Variants in NLGN1 observed in about 807,000 individuals in gnomAD.
NLGN1 encodes neuroligin-1.
Under a neutral mutation model 65.5 loss-of-function variants are expected in NLGN1, and 12 were observed. The ratio of observed to expected loss-of-function variants is 0.18; its 90% CI spans 0.12 to 0.30. NLGN1 has a LOEUF of 0.30. NLGN1 is among the 10% of genes least tolerant of loss of function. The pLI, the probability that NLGN1 is intolerant of heterozygous loss-of-function variation, is 1.00. For synonymous variants in NLGN1, 350 were observed against 359.5 expected (o/e 0.97, Z 0.30); for missense variants, 750 against 1,007.1 (o/e 0.74, Z 3.46).
chr3:173,486,564 G>C lies in NLGN1; in HGVS notation c.-321+51486G>C, dbSNP rs545481545. On this transcript the variant is annotated intron_variant, in intron 2 of 6. Coordinates refer to ENST00000457714, the Ensembl canonical transcript of NLGN1. The stretch of plus-strand genomic sequence containing the variant: ...ATTTTTTATCATTCCACAAAGCATA[G>C]GGCTTTGTACCACCCTGATTTACTT... Among the ~76,000 whole-genome samples the C allele has an allele frequency of 2.6e-5, 4 of 152,248 alleles. No individual in the cohort carries two copies. The East Asian group carries it at 7.7e-4, about 29-fold the overall frequency.
intron 2 of NLGN1, among the ~76,000 whole-genome samples, chr3:173,560,214 G>A (rs550354031): frequency 3.9e-5 from 6 of 152,078 alleles, no homozygotes; most frequent in Non-Finnish European, 7.4e-5. Flanking sequence ...TACTACAAGC[G>A]TGAGCCACCG....
intron 2 of NLGN1, among the ~76,000 whole-genome samples, chr3:173,586,300 A>T (rs1456242510): frequency 5.3e-5 from 8 of 152,240 alleles, no homozygotes; most frequent in Non-Finnish European, 1.0e-4. Context: ...TTATGACTGT[A>T]TGCAGATACC....
chr3:173,756,150 A>G (rs1359469610), intron 3 of NLGN1, among the ~76,000 whole-genome samples: 1 of 42,956 alleles, frequency 2.3e-5, no homozygotes, highest in Non-Finnish European at 5.8e-5. Flanking sequence ...TCACATTTAC[A>G]CATTTTTTTT....
intron 4 of NLGN1, among the ~76,000 whole-genome samples, chr3:173,891,800 A>G (rs2152130298): frequency 6.6e-6 from 1 of 152,334 alleles, no homozygotes; most frequent in Non-Finnish European, 1.5e-5. Flanking sequence ...TAATGATACA[A>G]GAAACTCTCC....
intron 4 of NLGN1, among the ~76,000 whole-genome samples, chr3:173,972,438 A>G (rs530504732): frequency 6.6e-6 from 1 of 152,314 alleles, no homozygotes; most frequent in Admixed American, 6.5e-5. Context: ...AGAAATAAAT[A>G]ATGTACAAAT....
At position 173,581,480 on chromosome 3, in the gene NLGN1, A is replaced by G. The variant is rs151247118; in HGVS notation, c.-320-22799A>G. ...CAATCAGTTGATTGACTGTTTCACA[A>G]TTTCAGAGGCCCTGTTACTATTTGT... is the stretch of plus-strand genomic sequence containing the variant. On this transcript the variant is annotated intron_variant, in intron 2 of 6. Transcript: ENST00000457714. 5.5e-3 allele frequency among the ~76,000 whole-genome samples: 833 copies of G among 152,122 alleles called. 7 individuals are homozygous for G. Among genetic ancestry groups the G allele is most frequent in the African/African-American group, 0.019 (788 of 41,550 alleles).
intron 2 of NLGN1, among the ~76,000 whole-genome samples, chr3:173,455,304 A>C (rs1722320243): frequency 6.6e-6 from 1 of 152,122 alleles, no homozygotes; most frequent in African/African-American, 2.4e-5. Context: ...CAGTCTTTTA[A>C]ACCGTGAAAT....
intron 3 of NLGN1, among the ~76,000 whole-genome samples, chr3:173,759,635 G>A (rs549430012): frequency 2.4e-4 from 36 of 151,948 alleles, no homozygotes; most frequent in African/African-American, 8.0e-4. Flanking sequence ...GCCCTATTGC[G>A]TGATTACTTT....
At chr3:174,035,404 A>C (rs1392926279) in intron 4 of NLGN1, among the ~76,000 whole-genome samples, 1 of 152,204 alleles carries the variant, frequency 6.6e-6, no homozygotes, top group Admixed American at 6.5e-5. Context: ...CAAGAGACTC[A>C]GGAAAAGGCT....
At chr3:173,518,443 G>A (rs1437213355) in intron 2 of NLGN1, among the ~76,000 whole-genome samples, 3 of 150,414 alleles carry the variant, frequency 2.0e-5, no homozygotes, top group East Asian at 1.9e-4. Context: ...TTATATGTAG[G>A]TATGTGTATA....
chr3:173,699,244 G>T (rs1766731738), intron 3 of NLGN1, among the ~76,000 whole-genome samples: 1 of 152,054 alleles, frequency 6.6e-6, no homozygotes, highest in South Asian at 2.1e-4. Context: ...ATTTTAATAT[G>T]GTTTACCAAG....
intron 5 of NLGN1, among the ~76,000 whole-genome samples, chr3:174,276,951 C>T (rs1476602548): frequency 2.0e-5 from 3 of 151,742 alleles, no homozygotes; most frequent in African/African-American, 4.8e-5. Context: ...CAAAAATTGA[C>T]GTGAAAGCCA....
chr3:173,836,019 T>A (rs548913817), intron 4 of NLGN1, among the ~76,000 whole-genome samples: 7 of 152,302 alleles, frequency 4.6e-5, no homozygotes, highest in African/African-American at 1.7e-4. Flanking sequence ...CTCAGTGATG[T>A]TAGCAAGGAA....
chr3:173,880,584 A>G (rs1255826629), intron 4 of NLGN1, among the ~76,000 whole-genome samples: 2 of 151,022 alleles, frequency 1.3e-5, no homozygotes, highest in Non-Finnish European at 3.0e-5. Context: ...AAATATATAT[A>G]TATTAATTTA....
intron 2 of NLGN1, among the ~76,000 whole-genome samples, chr3:173,588,522 A>G (rs948641184): frequency 2.0e-5 from 3 of 152,210 alleles, no homozygotes; most frequent in Non-Finnish European, 4.4e-5. Context: ...TCGAAGCTTA[A>G]GTGAAGTCAG....
In NLGN1 at chr3:173,496,441, C is replaced by T. The variant is rs555539983; in HGVS notation, c.-321+61363C>T. On this transcript the variant is annotated intron_variant, in intron 2 of 6. Coordinates refer to ENST00000457714, the Ensembl canonical transcript of NLGN1. Reference sequence around the variant, plus strand: ...ATATTTATCAAGAAGGCAGATTATACTGCAGGTGATCAGAACTAAATTTTT... The same window carrying T: ...ATATTTATCAAGAAGGCAGATTATATTGCAGGTGATCAGAACTAAATTTTT... Among the ~76,000 whole-genome samples, 31 of 151,986 alleles carry T rather than the reference C, an allele frequency of 2.0e-4. 1 individual carries two copies. Among genetic ancestry groups the T allele is most frequent in the African/African-American group, 7.0e-4 (29 of 41,306 alleles).
At chr3:173,885,754 A>T (rs937011744) in intron 4 of NLGN1, among the ~76,000 whole-genome samples, 15 of 152,140 alleles carry the variant, frequency 9.9e-5, no homozygotes, top group African/African-American at 3.4e-4. Flanking sequence ...CACAAAGAAG[A>T]AATAAACTTC....
chr3:173,573,234 A>G lies in NLGN1; in HGVS notation c.-320-31045A>G, dbSNP rs377548471. On this transcript the variant is annotated intron_variant, in intron 2 of 6. Coordinates refer to ENST00000457714, the Ensembl canonical transcript of NLGN1. ...AAGTCACTTAGTGTTAGTGGGTTTC[A>G]GTTTTCTGACTTGTAAAAGTAGGAA... Among the ~76,000 whole-genome samples the G allele has an allele frequency of 1.1e-4, 17 of 152,286 alleles. 1 individual carries two copies. Among genetic ancestry groups the G allele is most frequent in the Admixed American group, 2.0e-4 (3 of 15,288 alleles).
rs190142240 is a variant in NLGN1 at position 173,446,080 on chromosome 3, T to A, written c.-321+11002T>A. Among the ~76,000 whole-genome samples, 11 of 152,120 alleles carry A rather than the reference T, an allele frequency of 7.2e-5. No individual in the cohort carries two copies. The East Asian group carries it at 7.7e-4, about 11-fold the overall frequency. ...TTTTTCTTTTTTTTTTTACTATTATTATACTTTAAGTTTTAGGGTACATGT... is the reference window on the plus strand; with the variant it reads ...TTTTTCTTTTTTTTTTTACTATTATAATACTTTAAGTTTTAGGGTACATGT... On this transcript the variant is annotated intron_variant, in intron 2 of 6. Coordinates refer to ENST00000457714, the Ensembl canonical transcript of NLGN1.
Sources: gnomAD v4.1 joint callset for allele counts (sites outside exome capture counted in the v4.1 genomes callset) on GRCh38, gnomAD v4.1.1 for gene constraint, MANE v1.5 for transcripts, NCBI Gene and HGNC (gene_info 2026-07-23, HGNC 2026-07-21) for gene names.